The following EHD4 variants were observed in gnomAD, a reference collection of about 807,000 sequenced individuals.
EHD4 encodes EH domain containing 4.
Under a neutral mutation model 51.0 loss-of-function variants are expected in EHD4, and 37 were observed. The observed-to-expected ratio is 0.73, with a 90% CI of 0.56 to 0.95. The LOEUF is 0.95. EHD4 is among the 40% of genes least tolerant of loss of function. The pLI is 0.00. For synonymous variants in EHD4, 297 were observed against 317.3 expected, an observed-to-expected ratio of 0.94 and a Z score of 0.68; for missense variants, 632 against 733.1, an observed-to-expected ratio of 0.86 and a Z score of 1.59.
chr15:41,964,756 C>T (rs1595547434), intron 1 of EHD4, among the ~76,000 whole-genome samples: 1 of 112,338 alleles, frequency 8.9e-6, no homozygotes, highest in African/African-American at 3.7e-5. Flanking sequence ...TATATATAAG[C>T]CTGAAAAAAA....
intron 1 of EHD4, among the ~76,000 whole-genome samples, chr15:41,958,365 C>G (rs750060439): frequency 6.6e-6 from 1 of 152,038 alleles, no homozygotes. Flanking sequence ...GGATGGGAGA[C>G]CTGACATCCC....
chr15:41,946,175 C>T (rs559500933), intron 2 of EHD4, among the ~76,000 whole-genome samples: 1 of 152,332 alleles, frequency 6.6e-6, no homozygotes, highest in South Asian at 2.1e-4. Flanking sequence ...GCCTTGCCCT[C>T]TACATTTCAC....
intron 4 of EHD4, among the ~76,000 whole-genome samples, chr15:41,913,700 C>T (rs373500977): frequency 2.0e-4 from 31 of 152,236 alleles, no homozygotes; most frequent in South Asian, 1.9e-3. Flanking sequence ...AGAGGGCTCC[C>T]GGCTGGTTAC....
chr15:41,920,693 A>G (rs1952679188), intron 3 of EHD4, among the ~76,000 whole-genome samples: 1 of 152,176 alleles, frequency 6.6e-6, no homozygotes, highest in South Asian at 2.1e-4. Flanking sequence ...TTTTAAAACC[A>G]AGTATCGTTT....
At chr15:41,968,453 C>CTTT (rs11291085) in intron 1 of EHD4, among the ~76,000 whole-genome samples, 24 of 124,664 alleles carry the variant, frequency 1.9e-4, no homozygotes, top group Admixed American at 3.5e-4. Context: ...ATCTTTACTC[C>CTTT]TTTTTTTTTT....
chr15:41,952,167 A>G (rs1435946646), intron 2 of EHD4, among the ~76,000 whole-genome samples: 2 of 152,250 alleles, frequency 1.3e-5, no homozygotes, highest in Non-Finnish European at 2.9e-5. Context: ...CCAGCACATC[A>G]TTCATTCCCC....
chr15:41,944,210 C>T (rs995584617), intron 2 of EHD4, among the ~76,000 whole-genome samples: 5 of 152,118 alleles, frequency 3.3e-5, no homozygotes, highest in Admixed American at 6.5e-5. Context: ...GGTGGCTTCC[C>T]GACAGGGTCT....
chr15:41,934,700 C>A (rs551483007), intron 3 of EHD4, among the ~76,000 whole-genome samples: 5 of 152,110 alleles, frequency 3.3e-5, no homozygotes, highest in African/African-American at 1.2e-4. Flanking sequence ...CATTTGCAGC[C>A]GTGTGGACTC....
At chr15:41,957,986 A>G (rs1243488371) in intron 1 of EHD4, among the ~76,000 whole-genome samples, 2 of 152,134 alleles carry the variant, frequency 1.3e-5, no homozygotes, top group Non-Finnish European at 2.9e-5. Context: ...GGTCAATCAC[A>G]CAGCCACACG....
chr15:41,926,341 T>C (rs1054774185), intron 3 of EHD4, among the ~76,000 whole-genome samples: 1 of 152,170 alleles, frequency 6.6e-6, no homozygotes, highest in African/African-American at 2.4e-5. Flanking sequence ...GACGGAACAC[T>C]GCCTAAAACT....
At chr15:41,915,105 C>T (rs1049404733) in intron 4 of EHD4, among the ~76,000 whole-genome samples, 5 of 152,068 alleles carry the variant, frequency 3.3e-5, no homozygotes, top group Non-Finnish European at 5.9e-5. Context: ...CACACACACA[C>T]ACACACATCA....
In EHD4 at chr15:41,919,620, A is replaced by G; in HGVS notation, c.514T>C (p.Tyr172His). Residue 172 changes from tyrosine (Y) to histidine (H), a missense_variant and splice_region_variant, in exon 4 of 6, where the codon TAT (tyrosine) becomes CAT (histidine). Coordinates refer to ENST00000220325, the MANE Select transcript of EHD4 (RefSeq NM_139265.4). ...SGEKQRISRG[Y>H]DFCQVLQWFA... ...CACTGCAGGACCTGGCAGAAGTCAT[A>G]GCCTGGGTGGAGAGAAGGACACGTC... is the stretch of plus-strand genomic sequence containing the variant. 1 of 1,510,796 alleles carries G rather than the reference A, an allele frequency of 6.6e-7. No individual in the cohort carries two copies. The highest frequency in any genetic ancestry group is 8.8e-7 in the Non-Finnish European group (1 of 1,130,550). 93.6% of individuals were successfully genotyped at this position (1,510,796 alleles called of 1,614,324 possible). A position where few individuals can be genotyped will look rare whatever the true frequency, so the allele number is the denominator to read the frequency against.
At chr15:41,934,409 T>G (rs547792436) in intron 3 of EHD4, among the ~76,000 whole-genome samples, 28 of 151,236 alleles carry the variant, frequency 1.9e-4, no homozygotes, top group Admixed American at 4.6e-4. Flanking sequence ...CTCAAACTAC[T>G]GGGCTCAAGG....
At chr15:41,902,621 G>T (rs939934567) in intron 5 of EHD4, among the ~76,000 whole-genome samples, 2 of 151,992 alleles carry the variant, frequency 1.3e-5, no homozygotes, top group African/African-American at 4.8e-5. Context: ...TTAAAAGGGA[G>T]AGAGGGGCCA....
At chr15:41,953,674 T>A in intron 2 of EHD4, 90 bp downstream of exon 2, 2 of 1,368,098 alleles carry the variant, frequency 1.5e-6, no homozygotes, top group Admixed American at 2.4e-5. Flanking sequence ...TCTTTGTTCT[T>A]CTGTTTTTGA....
chr15:41,964,370 A>C (rs550851991), intron 1 of EHD4, among the ~76,000 whole-genome samples: 1 of 152,192 alleles, frequency 6.6e-6, no homozygotes, highest in African/African-American at 2.4e-5. Context: ...TGGGAGGCCA[A>C]GGCGTGAGGA....
intron 4 of EHD4, among the ~76,000 whole-genome samples, chr15:41,916,149 T>A (rs1334055873): frequency 3.9e-5 from 6 of 152,228 alleles, no homozygotes; most frequent in African/African-American, 1.4e-4. Flanking sequence ...CTTTGCATGT[T>A]TTCAAAGTGT....
rs1246500624 is a variant in EHD4 at position 41,896,955 on chromosome 15, G to C, written c.*3690C>G. 1 of 152,146 alleles carries C rather than the reference G, an allele frequency of 6.6e-6. No individual in the cohort carries two copies. The highest frequency in any genetic ancestry group is 2.4e-5 in the African/African-American group (1 of 41,422). The allele number at this position is 152,146 out of a possible 1,614,324, so 9.4% of individuals were successfully genotyped here. A position where few individuals can be genotyped will look rare whatever the true frequency, so the allele number is the denominator to read the frequency against. The stretch of plus-strand genomic sequence containing the variant: ...TCTCCCCCGGTTCAACCTGGATCCA[G>C]GGATCCACACTCTGCTCCGAGAGGC... On this transcript the variant is annotated 3_prime_UTR_variant, in exon 6 of 6. Transcript: ENST00000220325.
At chr15:41,941,583 T>TG (rs1555382254) in intron 3 of EHD4, 1 of 37,858 alleles carries the variant, frequency 2.6e-5, no homozygotes, top group African/African-American at 2.7e-4. Context: ...TTTTTTGGTG[T>TG]TTTTTTTTTT....
Sources: gnomAD v4.1 joint callset for allele counts (sites outside exome capture counted in the v4.1 genomes callset) on GRCh38, gnomAD v4.1.1 for gene constraint, MANE v1.5 for transcripts, NCBI Gene and HGNC (gene_info 2026-07-23, HGNC 2026-07-21) for gene names.